PRR14L: variants seen among roughly 807,000 people sequenced by gnomAD.
PRR14L encodes the protein protein PRR14L.
In PRR14L, 80 loss-of-function variants were observed where a neutral mutation model predicts 155.0. That is an observed-to-expected ratio of 0.52 (90% CI 0.43 to 0.62). The LOEUF is 0.62. Ranked by LOEUF, PRR14L falls within the 20% of genes least tolerant of loss-of-function variation. The probability of loss-of-function intolerance (pLI) is 0.00; values close to 1 mark genes in which losing one functional copy is unlikely to be tolerated. For missense variants in PRR14L, 2,469 were observed against 2,548.0 expected, an observed-to-expected ratio of 0.97 and a Z score of 0.67; for synonymous variants, 883 against 916.0, an observed-to-expected ratio of 0.96 and a Z score of 0.65.
chr22:31,745,086 G>A (rs1393793645), intron 1 of PRR14L, among the ~76,000 whole-genome samples: 1 of 152,144 alleles, frequency 6.6e-6, no homozygotes, highest in African/African-American at 2.4e-5. Context: ...TAGAGTGGCA[G>A]GTTAAACATG....
In PRR14L at chr22:31,682,206, GGGA is replaced by G. The variant is rs1569496633; in HGVS notation, c.*3318_*3320del. On this transcript the variant is annotated 3_prime_UTR_variant, in exon 9 of 9. Coordinates refer to ENST00000327423, the MANE Select transcript of PRR14L (RefSeq NM_173566.3). ...TCAGTGGGCAAGGAAGGAGCCACGG[GGGA>G]GGTCTCACGCCCAGATAGTGGGATC... The G allele has an allele frequency of 6.6e-6, 1 of 152,216 alleles. No individual in the cohort carries two copies. The highest frequency in any genetic ancestry group is 2.4e-5 in the African/African-American group (1 of 41,430). The allele number at this position is 152,216 out of a possible 1,614,324, so 9.4% of individuals were successfully genotyped here.
At chr22:31,701,584 A>T in intron 7 of PRR14L, 72 bp downstream of exon 7, 1 of 888,170 alleles carries the variant, frequency 1.1e-6, no homozygotes, top group Non-Finnish European at 1.8e-6. Context: ...AGGACCATTT[A>T]AAGGGCAATT....
chr22:31,702,775 C>G (rs1431638481), intron 6 of PRR14L, among the ~76,000 whole-genome samples: 1 of 152,082 alleles, frequency 6.6e-6, no homozygotes, highest in African/African-American at 2.4e-5. Context: ...CCTGGCCTCC[C>G]AAAGTGCTGG....
intron 6 of PRR14L, among the ~76,000 whole-genome samples, chr22:31,702,785 G>T (rs1271971745): frequency 1.4e-5 from 2 of 147,124 alleles, no homozygotes; most frequent in Non-Finnish European, 3.0e-5. Context: ...CAAAGTGCTG[G>T]AATCACAGGC....
chr22:31,744,979 G>A (rs1373474441), intron 1 of PRR14L, among the ~76,000 whole-genome samples: 2 of 152,080 alleles, frequency 1.3e-5, no homozygotes, highest in African/African-American at 4.8e-5. Context: ...TTTTCTCCTG[G>A]ACTAATTCTG....
intron 4 of PRR14L, 71 bp downstream of exon 4, chr22:31,712,012 T>G (rs773975566): frequency 4.2e-5 from 59 of 1,396,198 alleles, no homozygotes; most frequent in Admixed American, 8.9e-5. Flanking sequence ...TTTCCCGCAG[T>G]TCCCCTCTCA....
chr22:31,748,209 C>T (rs1035921561), intron 1 of PRR14L, among the ~76,000 whole-genome samples: 13 of 152,192 alleles, frequency 8.5e-5, no homozygotes, highest in East Asian at 3.8e-4. Context: ...GACATTGTAG[C>T]CATTCCCTCC....
chr22:31,729,276 A>G (rs2074735036), intron 2 of PRR14L, among the ~76,000 whole-genome samples: 1 of 150,108 alleles, frequency 6.7e-6, no homozygotes, highest in Admixed American at 6.6e-5. Flanking sequence ...TAGTGGCACA[A>G]CCTCCGCTCA....
intron 7 of PRR14L, 33 bp from the exon 8 acceptor site, chr22:31,688,260 TTC>T (rs367966573): frequency 5.8e-6 from 9 of 1,540,684 alleles, no homozygotes; most frequent in African/African-American, 4.2e-5. Context: ...ATTCTTCAGG[TTC>T]TCTCTCTCTT....
At chr22:31,694,214 T>C (rs944153828) in intron 7 of PRR14L, among the ~76,000 whole-genome samples, 4 of 152,120 alleles carry the variant, frequency 2.6e-5, no homozygotes, top group African/African-American at 9.7e-5. Context: ...TAGGCAGAGG[T>C]TGCGATGAGC....
rs1238203741 is a variant in PRR14L at position 31,704,673 on chromosome 22, G to A, written c.5810C>T (p.Thr1937Ile). 6 of 1,613,932 alleles carry A rather than the reference G, an allele frequency of 3.7e-6. No homozygotes were observed. The highest frequency in any genetic ancestry group is 5.1e-6 in the Non-Finnish European group (6 of 1,179,898). Residue 1937 changes from threonine to isoleucine, a missense_variant, in exon 5 of 9, where the codon ACC (threonine) becomes ATC (isoleucine). Physicochemically the swap from Thr to Ile is moderately conservative, Grantham distance 89. This residue lies in a region of PRR14L where 2,363 missense variants were observed against 2,371.6 expected (regional missense o/e 1.00). Transcript: ENST00000327423. ...PLPGMEATYN[T>I]SGSQTRLEPP... ...TGCTTACCTCGTCTGACTGCCGCTG[G>A]TGTTATATGTAGCTTCCATGCCTGG...
chr22:31,692,909 G>C (rs879853989), intron 7 of PRR14L, among the ~76,000 whole-genome samples: 2 of 151,686 alleles, frequency 1.3e-5, no homozygotes, highest in Admixed American at 1.3e-4. Context: ...CAAAGTGCTT[G>C]GATTACAGGC....
chr22:31,687,286 T>C (rs2074486858), intron 8 of PRR14L, among the ~76,000 whole-genome samples: 1 of 152,034 alleles, frequency 6.6e-6, no homozygotes, highest in South Asian at 2.1e-4. Flanking sequence ...TTTGCCCGCC[T>C]TGGCCTCCCA....
At chr22:31,736,447 A>AATGCTTC (rs2074782141) in intron 2 of PRR14L, among the ~76,000 whole-genome samples, 3 of 152,138 alleles carry the variant, frequency 2.0e-5, no homozygotes, top group Admixed American at 6.6e-5. Flanking sequence ...AATGTTACTT[A>AATGCTTC]ATGCTTCATT....
Position 31,714,476 on chromosome 22 carries a change from A to G in PRR14L, c.3363T>C (p.Ser1121=). The G allele has an allele frequency of 6.4e-7, 1 of 1,552,112 alleles. No homozygotes were observed. Among genetic ancestry groups the G allele is most frequent in the Non-Finnish European group, 8.7e-7 (1 of 1,147,084 alleles). The part of the protein sequence containing the change: ...QDSDFPVTAA[S]TVDFLKIKKS... The stretch of plus-strand genomic sequence containing the variant: ...TTTTTATTTTGAGAAAGTCCACTGT[A>G]GAAGCAGCAGTAACTGGGAAATCTG... The change falls in exon 4 of 9, where the codon TCT becomes TCC. Residue 1121 remains serine (S), a synonymous_variant. Coordinates refer to ENST00000327423, the MANE Select transcript of PRR14L (RefSeq NM_173566.3).
At chr22:31,692,693 G>T (rs2074517375) in intron 7 of PRR14L, among the ~76,000 whole-genome samples, 1 of 152,184 alleles carries the variant, frequency 6.6e-6, no homozygotes, top group Non-Finnish European at 1.5e-5. Flanking sequence ...CCAAACTGGA[G>T]ATCAGTGGTT....
At chr22:31,723,186 A>T in intron 3 of PRR14L, among the ~76,000 whole-genome samples, 1 of 152,090 alleles carries the variant, frequency 6.6e-6, no homozygotes, top group East Asian at 1.9e-4. Context: ...CCTATACCAA[A>T]CTGAGACCCT....
chr22:31,745,708 G>A (rs1476960395), intron 1 of PRR14L, among the ~76,000 whole-genome samples: 3 of 151,912 alleles, frequency 2.0e-5, no homozygotes, highest in Admixed American at 6.6e-5. Flanking sequence ...TTAGCTGGGC[G>A]TGGTGGCAGG....
intron 5 of PRR14L, 33 bp from the exon 6 acceptor site, chr22:31,703,754 G>A (rs1280852450): frequency 7.3e-7 from 1 of 1,370,140 alleles, no homozygotes; most frequent in Non-Finnish European, 9.7e-7. Flanking sequence ...GATATGAGAG[G>A]GGTTCCCTTT....
Sources: gnomAD v4.1 joint callset for allele counts (sites outside exome capture counted in the v4.1 genomes callset) on GRCh38, gnomAD v4.1.1 for gene constraint, gnomAD v4.1.1 regional missense constraint, MANE v1.5 for transcripts, NCBI Gene and HGNC (gene_info 2026-07-23, HGNC 2026-07-21) for gene names.